Variants in DTD1 observed in about 807,000 individuals in gnomAD.
DTD1 encodes D-aminoacyl-tRNA deacylase 1, also known as D-tyrosyl-tRNA deacylase 1 homolog.
DTD1 carries 13 observed loss-of-function variants against 25.6 expected under a neutral mutation model. The ratio of observed to expected loss-of-function variants is 0.51; its 90% confidence interval spans 0.33 to 0.81. The LOEUF (loss-of-function observed/expected upper bound fraction) is 0.81, where lower values mean the gene tolerates loss of function less well. Among genes scored for constraint, DTD1 ranks in the 30% least tolerant of loss-of-function variants. The pLI is 0.02. For missense variants in DTD1, 193 were observed against 266.4 expected (o/e 0.72, Z 1.92); for synonymous variants, 110 against 103.6 (o/e 1.06, Z -0.37).
chr20:18,671,664 C>T (rs1346353407), intron 4 of DTD1, among the ~76,000 whole-genome samples: 1 of 152,210 alleles, frequency 6.6e-6, no homozygotes, highest in East Asian at 1.9e-4. Context: ...AATATTTTGG[C>T]ATGACTATAT....
At chr20:18,708,184 T>TTATATATATATTA (rs2061134745) in intron 4 of DTD1, among the ~76,000 whole-genome samples, 4 of 92,720 alleles carry the variant, frequency 4.3e-5, no homozygotes, top group African/African-American at 1.3e-4. Context: ...TATATATATT[T>TTATATATATATTA]TATATATATA....
chr20:18,697,723 C>T lies in DTD1; in HGVS notation c.478-46377C>T, dbSNP rs970225936. On this transcript the variant is annotated intron_variant, in intron 4 of 5. Coordinates refer to ENST00000377452, the MANE Select transcript of DTD1 (RefSeq NM_080820.6). ...TTTTTGAGACAGAGTCTCGCTCTTT[C>T]GCCCAGGCCGGAGTGCAGTGGCGCT... Among the ~76,000 whole-genome samples the T allele has an allele frequency of 1.1e-3, 175 of 152,190 alleles. 2 individuals carry two copies. The highest frequency in any genetic ancestry group is 2.0e-3 in the African/African-American group (83 of 41,448).
chr20:18,644,634 A>G (rs1339946807), intron 4 of DTD1, among the ~76,000 whole-genome samples: 1 of 152,238 alleles, frequency 6.6e-6, no homozygotes, highest in African/African-American at 2.4e-5. Context: ...TAGACCTGAA[A>G]GAGTTGCTTG....
At chr20:18,640,774 G>T (rs566440254) in intron 4 of DTD1, among the ~76,000 whole-genome samples, 1 of 152,034 alleles carries the variant, frequency 6.6e-6, no homozygotes, top group African/African-American at 2.4e-5. Context: ...GGGATTACAG[G>T]CATGCGTCAC....
At chr20:18,697,114 C>A (rs960994879) in intron 4 of DTD1, among the ~76,000 whole-genome samples, 1 of 151,724 alleles carries the variant, frequency 6.6e-6, no homozygotes, top group African/African-American at 2.4e-5. Context: ...TGCCTGTAGT[C>A]CCAGCTATTC....
chr20:18,743,415 G>T (rs1351053806), intron 4 of DTD1, among the ~76,000 whole-genome samples: 2 of 152,182 alleles, frequency 1.3e-5, no homozygotes, highest in African/African-American at 4.8e-5. Context: ...AACACGTGGT[G>T]TGGCATGGTG....
At chr20:18,588,267 A>T in intron 1 of DTD1, 152 bp downstream of exon 1, 1 of 749,264 alleles carries the variant, frequency 1.3e-6, no homozygotes, top group Non-Finnish European at 1.8e-6. Context: ...CGCAGCCGCG[A>T]GTCCCCAGGG....
At chr20:18,680,661 C>T (rs2060993524) in intron 4 of DTD1, among the ~76,000 whole-genome samples, 1 of 152,094 alleles carries the variant, frequency 6.6e-6, no homozygotes, top group Non-Finnish European at 1.5e-5. Flanking sequence ...GTGGGGTGCT[C>T]ACTCCTGTGG....
intron 4 of DTD1, among the ~76,000 whole-genome samples, chr20:18,735,080 C>T (rs1021602730): frequency 4.6e-5 from 7 of 152,204 alleles, no homozygotes; most frequent in African/African-American, 1.7e-4. Flanking sequence ...ATGACTTGCA[C>T]CATAAGACTT....
At chr20:18,596,268 C>A (rs1884875) in intron 3 of DTD1, 27 bp downstream of exon 3, 8 of 1,600,596 alleles carry the variant, frequency 5.0e-6, no homozygotes, top group African/African-American at 1.3e-5. Flanking sequence ...CATCCAGGAA[C>A]GGGTCTTTGG....
chr20:18,641,708 T>G (rs1056976105), intron 4 of DTD1, among the ~76,000 whole-genome samples: 2 of 152,194 alleles, frequency 1.3e-5, no homozygotes, highest in Non-Finnish European at 2.9e-5. Flanking sequence ...TTTGAATTGC[T>G]TTGTGTTTTT....
At chr20:18,750,291 A>G (rs1378141133) in intron 5 of DTD1, among the ~76,000 whole-genome samples, 2 of 152,186 alleles carry the variant, frequency 1.3e-5, no homozygotes, top group African/African-American at 2.4e-5. Flanking sequence ...AAATATTCAG[A>G]TATCTATGAG....
intron 5 of DTD1, among the ~76,000 whole-genome samples, chr20:18,746,861 C>G (rs1397892936): frequency 6.6e-6 from 1 of 152,072 alleles, no homozygotes; most frequent in African/African-American, 2.4e-5. Context: ...GTCCTGTTGT[C>G]CTCTTAACTG....
intron 5 of DTD1, among the ~76,000 whole-genome samples, chr20:18,756,194 C>G (rs757725261): frequency 8.5e-5 from 13 of 152,154 alleles, no homozygotes; most frequent in Non-Finnish European, 1.8e-4. Context: ...GAGTACACTG[C>G]AAAAATTTTC....
chr20:18,766,133 C>T lies in DTD1; in HGVS notation c.*2793C>T, dbSNP rs573323908. ...GGGCATTTTCTCTACCAAGCAGTGT[C>T]CTGGCTCAGATGGGTGCCAGCTGGC... On this transcript the variant is annotated 3_prime_UTR_variant, in exon 6 of 6. Coordinates refer to ENST00000377452, the MANE Select transcript of DTD1 (RefSeq NM_080820.6). 6.6e-6 allele frequency: 1 copy of T among 152,296 alleles called. No individual in the cohort carries two copies. The highest frequency in any genetic ancestry group is 2.4e-5 in the African/African-American group (1 of 41,556). 9.4% of individuals were successfully genotyped at this position (152,296 alleles called of 1,614,324 possible).
Position 18,588,803 on chromosome 20 carries a change from C to T in DTD1, c.43+688C>T, listed in dbSNP as rs946856945. On this transcript the variant is annotated intron_variant, in intron 1 of 5. Coordinates refer to ENST00000377452, the MANE Select transcript of DTD1 (RefSeq NM_080820.6). The stretch of plus-strand genomic sequence containing the variant: ...ACCAAGCTACCCGACCCCTGGTCAT[C>T]ACTCAGCACTTTCGTCTCGGTTGGG... 9.1e-6 allele frequency: 9 copies of T among 985,218 alleles called. No individual in the cohort carries two copies. The African/African-American group carries it at 1.6e-4, about 17-fold the overall frequency. 61.0% of individuals were successfully genotyped at this position (985,218 alleles called of 1,614,324 possible). A position where few individuals can be genotyped will look rare whatever the true frequency, so the allele number is the denominator to read the frequency against.
chr20:18,685,497 G>A (rs1213790572), intron 4 of DTD1, among the ~76,000 whole-genome samples: 1 of 152,160 alleles, frequency 6.6e-6, no homozygotes, highest in Non-Finnish European at 1.5e-5. Flanking sequence ...AAGGGAGAAG[G>A]TATGGCAGAC....
intron 4 of DTD1, among the ~76,000 whole-genome samples, chr20:18,701,266 A>G (rs1443846584): frequency 6.6e-6 from 1 of 152,198 alleles, no homozygotes; most frequent in Non-Finnish European, 1.5e-5. Context: ...AGCTGGAGAG[A>G]AAACATGTTA....
intron 3 of DTD1, among the ~76,000 whole-genome samples, chr20:18,600,035 A>AT (rs1174370241): frequency 6.6e-6 from 1 of 152,120 alleles, no homozygotes; most frequent in East Asian, 1.9e-4. Context: ...TTTTGTAAAT[A>AT]TTTTTTCTCA....
Sources: allele counts gnomAD v4.1 joint callset (sites outside exome capture counted in the v4.1 genomes callset), GRCh38; gene constraint gnomAD v4.1.1; transcripts MANE v1.5; gene names NCBI Gene and HGNC (gene_info 2026-07-23, HGNC 2026-07-21).